The following ZNF318 variants were observed in gnomAD, a reference collection of about 807,000 sequenced individuals.
The protein encoded by ZNF318 is zinc finger protein 318, also known as endocrine regulator.
In ZNF318, 51 loss-of-function variants were observed where a neutral mutation model predicts 124.2. The ratio of observed to expected loss-of-function variants is 0.41; its 90% CI spans 0.33 to 0.52. The LOEUF (loss-of-function observed/expected upper bound fraction) is 0.52, where lower values mean the gene tolerates loss of function less well. Among genes scored for constraint, ZNF318 ranks in the 20% least tolerant of loss-of-function variants. The pLI is 0.23. For missense variants in ZNF318, 2,815 were observed against 2,811.2 expected, an observed-to-expected ratio of 1.00 and a Z score of -0.03; for synonymous variants, 1,090 against 1,040.7, an observed-to-expected ratio of 1.05 and a Z score of -0.91.
chr6:43,338,618 C>T lies in ZNF318; in HGVS notation c.5380G>A (p.Asp1794Asn). ...RVKELSEGIV[D>N]EGVSTSIGPH... ...CCAATGCTGGTACTTACTCCCTCAT[C>T]AACTATCCCCTCAGACAGCTCCTTT... is the stretch of plus-strand genomic sequence containing the variant. Residue 1794 changes from aspartate to asparagine, a missense_variant, in exon 10 of 10, where the codon GAT (aspartate) becomes AAT (asparagine). Asp to Asn is a conservative substitution (Grantham distance 23, BLOSUM62 1). Transcript: ENST00000361428. 6.2e-7 allele frequency: 1 copy of T among 1,614,148 alleles called. No individual in the cohort carries two copies. The highest frequency in any genetic ancestry group is 1.1e-5 in the South Asian group (1 of 91,082).
intron 2 of ZNF318, chr6:43,363,691 A>T: frequency 1.8e-6 from 1 of 552,100 alleles, no homozygotes; most frequent in South Asian, 2.3e-5. Flanking sequence ...GGAATCTGAG[A>T]TCACTGACTT....
chr6:43,368,637 A>G, intron 1 of ZNF318: 1 of 982,244 alleles, frequency 1.0e-6, no homozygotes, highest in Middle Eastern at 5.2e-4. Flanking sequence ...GGACACATCA[A>G]CTCTACAAAA....
At chr6:43,341,048 T>C (rs1186872566) in intron 8 of ZNF318, 140 bp from the exon 9 acceptor site, 3 of 646,728 alleles carry the variant, frequency 4.6e-6, no homozygotes, top group Non-Finnish European at 5.5e-6. Flanking sequence ...AGAAGCAGTA[T>C]TTAGATGAAT....
chr6:43,361,783 G>T (rs548148687), intron 2 of ZNF318, among the ~76,000 whole-genome samples: 1 of 152,040 alleles, frequency 6.6e-6, no homozygotes, highest in South Asian at 2.1e-4. Flanking sequence ...ACCCAACTTG[G>T]CTATCATCCA....
intron 2 of ZNF318, among the ~76,000 whole-genome samples, chr6:43,360,063 A>C: frequency 6.6e-6 from 1 of 152,204 alleles, no homozygotes; most frequent in East Asian, 1.9e-4. Context: ...TATAGGGAGA[A>C]AAAACATAGG....
chr6:43,365,209 CT>C, intron 2 of ZNF318, 82 bp downstream of exon 2: 1 of 1,466,230 alleles, frequency 6.8e-7, no homozygotes, highest in Non-Finnish European at 9.3e-7. Context: ...TGGCACCATC[CT>C]TTCAAATATA....
At chr6:43,340,671 T>TA (rs1337051880) in intron 9 of ZNF318, 119 bp downstream of exon 9, 3 of 1,512,750 alleles carry the variant, frequency 2.0e-6, no homozygotes, top group Non-Finnish European at 2.7e-6. Context: ...GAGGAGAACT[T>TA]AGAGGTTATA....
chr6:43,343,767 T>C (rs1035723314), intron 6 of ZNF318, among the ~76,000 whole-genome samples: 3 of 146,644 alleles, frequency 2.0e-5, no homozygotes, highest in Non-Finnish European at 4.5e-5. Context: ...AGGCGGAGGT[T>C]GCAGTAAGAT....
intron 2 of ZNF318, chr6:43,363,799 G>T: frequency 1.2e-6 from 1 of 822,020 alleles, no homozygotes; most frequent in South Asian, 1.5e-5. Flanking sequence ...GGCGTTTGTT[G>T]CCATCGGGGA....
In ZNF318 at chr6:43,337,860, T is replaced by C; in HGVS notation, c.6138A>G (p.Glu2046=). The change falls in exon 10 of 10, where the codon GAA becomes GAG. Residue 2046 remains glutamate, a synonymous_variant. Coordinates refer to ENST00000361428, the MANE Select transcript of ZNF318 (RefSeq NM_014345.3). ...PTVLCQKVCE[E]NSVSPIGCNS... ...TACACCCTATAGGTGATACAGAATT[T>C]TCTTCACACACTTTCTGACACAAGA... is the stretch of plus-strand genomic sequence containing the variant. 1.5e-5 allele frequency: 24 copies of C among 1,614,220 alleles called. No homozygotes were observed. The highest frequency in any genetic ancestry group is 1.9e-5 in the Non-Finnish European group (23 of 1,180,044).
In ZNF318 at chr6:43,355,638, T is replaced by G; in HGVS notation, c.1696A>C (p.Lys566Gln). 2.5e-6 allele frequency: 4 copies of G among 1,614,234 alleles called. No individual in the cohort carries two copies. Among genetic ancestry groups the G allele is most frequent in the Non-Finnish European group, 3.4e-6 (4 of 1,180,038 alleles). Residue 566 changes from lysine (K) to glutamine (Q), a missense_variant, in exon 4 of 10, where the codon AAG becomes CAG. Coordinates refer to ENST00000361428, the MANE Select transcript of ZNF318 (RefSeq NM_014345.3). ...GCTGAAGACGGCAGGGAGCTTGCCT[T>G]CTGCCTCATAACTTCACTCTCAGAG... is the stretch of plus-strand genomic sequence containing the variant. The part of the protein sequence containing the change: ...GSSESEVMRQ[K>Q]ASSLPSSAPA...
chr6:43,336,949 A>AT lies in ZNF318; in HGVS notation c.*208_*209insA. Reference sequence around the variant, plus strand: ...TTTACAGATATATATATATATATATAAGTTGTTATCGATTTGTCTGGTGTT... The same window carrying AT: ...TTTACAGATATATATATATATATATATAGTTGTTATCGATTTGTCTGGTGTT... On this transcript the variant is annotated 3_prime_UTR_variant, in exon 10 of 10. Coordinates refer to ENST00000361428, the MANE Select transcript of ZNF318 (RefSeq NM_014345.3). The AT allele has an allele frequency of 3.0e-6, 1 of 330,316 alleles. No individual in the cohort carries two copies. Among genetic ancestry groups the AT allele is most frequent in the Non-Finnish European group, 5.4e-6 (1 of 185,550 alleles). 20.5% of individuals were successfully genotyped at this position (330,316 alleles called of 1,614,324 possible).
intron 2 of ZNF318, among the ~76,000 whole-genome samples, chr6:43,360,644 G>A (rs1205829962): frequency 1.3e-5 from 2 of 152,140 alleles, no homozygotes; most frequent in African/African-American, 4.8e-5. Flanking sequence ...CCAATGTTCA[G>A]AGCAGCATTA....
Position 43,337,348 on chromosome 6 carries a change from G to A in ZNF318, c.6650C>T (p.Thr2217Ile), listed in dbSNP as rs764702837. The change falls in exon 10 of 10, where the codon ACC becomes ATC. Residue 2217 changes from threonine to isoleucine, a missense_variant. Physicochemically the swap from Thr to Ile is moderately conservative, Grantham distance 89. Around this residue, in one of 4 missense-constraint regions of ZNF318, gnomAD observed 927 missense variants for 820.6 expected, o/e 1.13. Coordinates refer to ENST00000361428, the MANE Select transcript of ZNF318 (RefSeq NM_014345.3). ...PLQLEISNAS[T>I]TEVAILQVDD... is the part of the protein sequence containing the mutation. ...TACTTGCAGAATTGCCACCTCTGTG[G>A]TGGATGCATTCGATATTTCTAGCTG... 6.2e-7 allele frequency: 1 copy of A among 1,614,152 alleles called. No individual in the cohort carries two copies. Among genetic ancestry groups the A allele is most frequent in the Non-Finnish European group, 8.5e-7 (1 of 1,180,014 alleles).
At chr6:43,360,212 C>T (rs1201399292) in intron 2 of ZNF318, among the ~76,000 whole-genome samples, 1 of 152,116 alleles carries the variant, frequency 6.6e-6, no homozygotes, top group African/African-American at 2.4e-5. Context: ...TGAGATGGCT[C>T]TCAAAAAGCT....
chr6:43,349,109 A>G (rs1419926629), intron 5 of ZNF318, among the ~76,000 whole-genome samples: 1 of 152,222 alleles, frequency 6.6e-6, no homozygotes, highest in Admixed American at 6.5e-5. Flanking sequence ...GCTTCTATGA[A>G]GGTAAAGAAT....
At chr6:43,342,984 C>A in intron 6 of ZNF318, 105 bp from the exon 7 acceptor site, 1 of 876,580 alleles carries the variant, frequency 1.1e-6, no homozygotes, top group South Asian at 1.8e-5. Flanking sequence ...GCCATATGAC[C>A]ATATTTCCAA....
intron 5 of ZNF318, among the ~76,000 whole-genome samples, 191 bp downstream of exon 5, chr6:43,352,186 C>CATCAT (rs1562132296): frequency 1.0e-5 from 1 of 99,912 alleles, no homozygotes. Context: ...ATCATCATCA[C>CATCAT]CACCACCATC....
chr6:43,339,950 G>C lies in ZNF318; in HGVS notation c.4048C>G (p.Pro1350Ala). The C allele has an allele frequency of 6.2e-7, 1 of 1,614,208 alleles. No homozygotes were observed. Among genetic ancestry groups the C allele is most frequent in the South Asian group, 1.1e-5 (1 of 91,086 alleles). ...VTTSTQTKIRPNLPIPSTVLR... is the reference protein window; with the variant it reads ...VTTSTQTKIRANLPIPSTVLR... ...ACTGTGGATGGAATAGGCAGGTTGG[G>C]TCGGATCTTAGTCTGTGTGGAAGTT... The change falls in exon 10 of 10, where the codon CCC (proline) becomes GCC (alanine). Residue 1350 changes from proline (P) to alanine (A), a missense_variant. This residue lies in a region of ZNF318 where 500 missense variants were observed against 605.2 expected (regional missense o/e 0.83). Transcript: ENST00000361428. This position sits in a 1 kb window ranked among gnomAD's most constrained non-coding sequence, Gnocchi z 4.2.
Sources: allele counts gnomAD v4.1 joint callset (sites outside exome capture counted in the v4.1 genomes callset), GRCh38; gene constraint gnomAD v4.1.1; regional missense constraint gnomAD v4.1.1; non-coding constraint Gnocchi (gnomAD v3.1); transcripts MANE v1.5; gene names NCBI Gene and HGNC (gene_info 2026-07-23, HGNC 2026-07-21).